Variants in ADGRL3 observed in about 807,000 individuals in gnomAD.
ADGRL3 encodes the protein calcium-independent alpha-latrotoxin receptor 3.
A neutral mutation model predicts 153.5 loss-of-function variants in ADGRL3; 62 were observed. That is an observed-to-expected ratio of 0.40 (90% CI 0.33 to 0.50). The LOEUF is 0.50. ADGRL3 is among the 20% of genes least tolerant of loss of function. ADGRL3 has a pLI of 0.47. For synonymous variants in ADGRL3, 710 were observed against 672.5 expected (o/e 1.06, Z -0.86); for missense variants, 1,641 against 1,859.4 (o/e 0.88, Z 2.16).
rs887248287 is a variant in ADGRL3 at position 61,202,745 on chromosome 4, GGTGT to G, written c.-240+989_-240+992del. 3.3e-5 allele frequency among the ~76,000 whole-genome samples: 5 copies of G among 152,040 alleles called. No homozygotes were observed. The highest frequency in any genetic ancestry group is 7.4e-5 in the Non-Finnish European group (5 of 67,962). On this transcript the variant is annotated intron_variant, in intron 1 of 26. Coordinates refer to ENST00000683033, the MANE Select transcript of ADGRL3 (RefSeq NM_001387552.1). The surrounding 1 kb of genome is among the most constrained non-coding windows in gnomAD (Gnocchi z 5.0). ...TGCCAGGCCCCCAGCACTATAGGTG[GGTGT>G]GTGTGTGTCTGTGCGTGTGTGTGTG...
At chr4:61,679,961 T>C (rs1214402064) in intron 6 of ADGRL3, among the ~76,000 whole-genome samples, 4 of 152,066 alleles carry the variant, frequency 2.6e-5, no homozygotes, top group Non-Finnish European at 5.9e-5. Flanking sequence ...TACCTGTTTA[T>C]TTTAAAGATG....
chr4:61,337,445 G>A (rs2095703097), intron 1 of ADGRL3, among the ~76,000 whole-genome samples: 1 of 152,074 alleles, frequency 6.6e-6, no homozygotes, highest in Admixed American at 6.6e-5. Flanking sequence ...AACATGCTTG[G>A]GTTGCTACAG....
chr4:61,244,373 A>G (rs867649890), intron 1 of ADGRL3, among the ~76,000 whole-genome samples: 5 of 152,082 alleles, frequency 3.3e-5, no homozygotes, highest in African/African-American at 1.2e-4. Context: ...GAAGAGTTGC[A>G]GAACTGAATT....
At chr4:61,937,486 C>A (rs2098844294) in intron 15 of ADGRL3, among the ~76,000 whole-genome samples, 1 of 150,480 alleles carries the variant, frequency 6.6e-6, no homozygotes, top group African/African-American at 2.5e-5. Context: ...CTCTATCATT[C>A]ACTTTTTAGA....
At chr4:61,805,400 A>C (rs2148493957) in intron 8 of ADGRL3, among the ~76,000 whole-genome samples, 1 of 152,336 alleles carries the variant, frequency 6.6e-6, no homozygotes, top group Non-Finnish European at 1.5e-5. Context: ...ACATAAGCAC[A>C]GCAGGCCAAC....
intron 5 of ADGRL3, among the ~76,000 whole-genome samples, chr4:61,651,891 A>T (rs938408527): frequency 4.6e-5 from 7 of 151,960 alleles, no homozygotes; most frequent in African/African-American, 1.7e-4. Context: ...CTGGGATTAC[A>T]GGAGGGAGCC....
rs78300196 is a variant in ADGRL3 at position 61,708,799 on chromosome 4, T to C, written c.584-21823T>C. Among the ~76,000 whole-genome samples, 1,366 of 152,140 alleles carry C rather than the reference T, an allele frequency of 9.0e-3. 21 individuals carry two copies. The highest frequency in any genetic ancestry group is 0.031 in the African/African-American group (1,302 of 41,510). On this transcript the variant is annotated intron_variant, in intron 6 of 26. Transcript: ENST00000683033. ...ATTCTTGCCAGTTCTTAAACTTTAT[T>C]CATTATTTATTTATTTATTTATTTA...
intron 2 of ADGRL3, among the ~76,000 whole-genome samples, chr4:61,481,943 C>A (rs1025196442): frequency 2.0e-5 from 3 of 151,974 alleles, no homozygotes; most frequent in African/African-American, 4.8e-5. Context: ...AGCAAAAATA[C>A]GTTTTTTTCC....
chr4:61,875,314 C>T (rs2098469050), intron 9 of ADGRL3, among the ~76,000 whole-genome samples: 1 of 152,088 alleles, frequency 6.6e-6, no homozygotes, highest in African/African-American at 2.4e-5. Context: ...TGGAAATTCT[C>T]TTGCATTTAG....
chr4:61,667,985 G>T (rs2094858844), intron 5 of ADGRL3, among the ~76,000 whole-genome samples: 1 of 152,114 alleles, frequency 6.6e-6, no homozygotes, highest in African/African-American at 2.4e-5. Context: ...CATGTGTTAG[G>T]ATGAATAATG....
At chr4:61,939,236 G>T (rs1460990311) in intron 15 of ADGRL3, among the ~76,000 whole-genome samples, 3 of 152,050 alleles carry the variant, frequency 2.0e-5, no homozygotes, top group East Asian at 3.9e-4. Context: ...CCTTAACATT[G>T]CAATTGAGAA....
chr4:61,417,378 T>A (rs1257618745), intron 2 of ADGRL3, among the ~76,000 whole-genome samples: 1 of 151,942 alleles, frequency 6.6e-6, no homozygotes, highest in Non-Finnish European at 1.5e-5. Flanking sequence ...CCTTGCTACT[T>A]GCAACGCTGA....
chr4:61,466,847 A>T (rs898899822), intron 2 of ADGRL3, among the ~76,000 whole-genome samples: 1 of 150,888 alleles, frequency 6.6e-6, no homozygotes, highest in Admixed American at 6.6e-5. Context: ...AGCTCCTAGA[A>T]TTTTTTTTTT....
At chr4:61,711,210 G>A (rs2095974160) in intron 6 of ADGRL3, among the ~76,000 whole-genome samples, 1 of 151,876 alleles carries the variant, frequency 6.6e-6, no homozygotes, top group African/African-American at 2.4e-5. Flanking sequence ...ACATATTGCA[G>A]CACCACTATC....
At chr4:61,769,636 G>A (rs984639857) in intron 8 of ADGRL3, among the ~76,000 whole-genome samples, 8 of 152,060 alleles carry the variant, frequency 5.3e-5, no homozygotes, top group East Asian at 1.9e-4. Flanking sequence ...GGCTGAGTCC[G>A]AAAAGGGTCA....
rs571215524 is a variant in ADGRL3 at position 61,452,852 on chromosome 4, G to T, written c.-173-44269G>T. Among the ~76,000 whole-genome samples, 6 of 151,988 alleles carry T rather than the reference G, an allele frequency of 3.9e-5. No individual in the cohort carries two copies. The South Asian group carries it at 1.2e-3, about 32-fold the overall frequency. The stretch of plus-strand genomic sequence containing the variant: ...AAACAAAAATGTCAACATGTAAAAT[G>T]GCTTGGTAATTCATGAATGATTTAT... On this transcript the variant is annotated intron_variant, in intron 2 of 26. Coordinates refer to ENST00000683033, the MANE Select transcript of ADGRL3 (RefSeq NM_001387552.1).
At position 62,077,263 on chromosome 4, in the gene ADGRL3, T is replaced by C. The variant is rs1472725433; in HGVS notation, c.*6355T>C. The C allele has an allele frequency of 2.0e-5, 3 of 152,080 alleles. No individual in the cohort carries two copies. In the East Asian group the frequency reaches 5.8e-4, roughly 29 times the overall value. The allele number at this position is 152,080 out of a possible 1,614,324, so 9.4% of individuals were successfully genotyped here. A position where few individuals can be genotyped will look rare whatever the true frequency, so the allele number is the denominator to read the frequency against. On this transcript the variant is annotated 3_prime_UTR_variant, in exon 27 of 27. Transcript: ENST00000683033. ...AGATTGAATAATTTTTAAATGATGATGCTCCACTCTTTGATCTACAGACAA... is the reference window on the plus strand; with the variant it reads ...AGATTGAATAATTTTTAAATGATGACGCTCCACTCTTTGATCTACAGACAA...
chr4:61,350,362 T>C (rs988258541), intron 1 of ADGRL3, among the ~76,000 whole-genome samples: 60 of 150,132 alleles, frequency 4.0e-4, no homozygotes, highest in Non-Finnish European at 7.4e-4. Context: ...TTTTTTTTTT[T>C]CTATCTGGGG....
chr4:61,254,009 A>G (rs767267488), intron 1 of ADGRL3, among the ~76,000 whole-genome samples: 10 of 152,204 alleles, frequency 6.6e-5, no homozygotes, highest in Non-Finnish European at 1.2e-4. Flanking sequence ...GAGTGTATAC[A>G]TCTTTATCAA....
Sources: gnomAD v4.1 joint callset for allele counts (sites outside exome capture counted in the v4.1 genomes callset) on GRCh38, gnomAD v4.1.1 for gene constraint, Gnocchi (gnomAD v3.1) non-coding constraint, MANE v1.5 for transcripts, NCBI Gene and HGNC (gene_info 2026-07-23, HGNC 2026-07-21) for gene names.